Variants in CCSER1 observed in about 807,000 individuals in gnomAD.
CCSER1 encodes coiled-coil serine rich protein 1.
CCSER1 carries 41 observed loss-of-function variants against 82.0 expected under a neutral mutation model. The observed-to-expected ratio is 0.50, with a 90% CI of 0.39 to 0.65. The LOEUF (loss-of-function observed/expected upper bound fraction) is 0.65. CCSER1 is among the 30% of genes least tolerant of loss of function. The pLI, the probability that CCSER1 is intolerant of heterozygous loss-of-function variation, is 0.00. For missense variants in CCSER1, 1,119 were observed against 1,064.2 expected, an observed-to-expected ratio of 1.05 and a Z score of -0.72; for synonymous variants, 414 against 383.9, an observed-to-expected ratio of 1.08 and a Z score of -0.92.
At chr4:90,208,396 T>C (rs920178078) in intron 1 of CCSER1, among the ~76,000 whole-genome samples, 3 of 152,190 alleles carry the variant, frequency 2.0e-5, no homozygotes, top group Non-Finnish European at 4.4e-5. Flanking sequence ...ACTGCTGTAC[T>C]GGCAGCAAGA....
rs543635640 is a variant in CCSER1 at position 91,042,561 on chromosome 4, G to A, written c.2173-43389G>A. Among the ~76,000 whole-genome samples, 3 of 152,210 alleles carry A rather than the reference G, an allele frequency of 2.0e-5. No individual in the cohort carries two copies. In the South Asian group the frequency reaches 6.2e-4, roughly 32 times the overall value. ...TGCATACATTAATGAAGGTATACAG[G>A]TAATTCTGGTCTTTCACTAATATTC... On this transcript the variant is annotated intron_variant, in intron 9 of 10. Coordinates refer to ENST00000509176, the MANE Select transcript of CCSER1 (RefSeq NM_001145065.2).
At chr4:90,766,939 A>G (rs1011393139) in intron 7 of CCSER1, among the ~76,000 whole-genome samples, 1 of 152,136 alleles carries the variant, frequency 6.6e-6, no homozygotes, top group African/African-American at 2.4e-5. Context: ...AAAGCAATTC[A>G]TAACTACTTT....
chr4:91,239,204 C>T (rs1206115337), intron 10 of CCSER1, among the ~76,000 whole-genome samples: 1 of 126,990 alleles, frequency 7.9e-6, no homozygotes, highest in African/African-American at 3.1e-5. Context: ...GATGGGATAA[C>T]TCAAGTATAA....
chr4:90,225,305 G>A (rs1236631289), intron 1 of CCSER1, among the ~76,000 whole-genome samples: 1 of 148,722 alleles, frequency 6.7e-6, no homozygotes, highest in East Asian at 2.0e-4. Flanking sequence ...CAGACTCCTG[G>A]GTTCAAGCCT....
chr4:90,711,183 A>G (rs966638093), intron 6 of CCSER1, among the ~76,000 whole-genome samples: 2 of 152,120 alleles, frequency 1.3e-5, no homozygotes, highest in African/African-American at 4.8e-5. Flanking sequence ...TTGATTTTGT[A>G]TCCTGAGACT....
intron 1 of CCSER1, among the ~76,000 whole-genome samples, chr4:90,132,888 G>T (rs944914255): frequency 2.0e-5 from 3 of 152,092 alleles, no homozygotes; most frequent in African/African-American, 7.2e-5. Flanking sequence ...CAGTCCAAAG[G>T]ACTTTTATAA....
intron 10 of CCSER1, among the ~76,000 whole-genome samples, chr4:91,566,436 T>C (rs1313367544): frequency 2.0e-5 from 3 of 152,134 alleles, no homozygotes; most frequent in African/African-American, 7.2e-5. Flanking sequence ...TCCTCCTCAA[T>C]TTTTTGGAAT....
chr4:91,181,761 A>T (rs1456940830), intron 10 of CCSER1, among the ~76,000 whole-genome samples: 1 of 152,122 alleles, frequency 6.6e-6, no homozygotes, highest in Non-Finnish European at 1.5e-5. Flanking sequence ...AAGTACGTTC[A>T]TTTTTTCTAA....
At chr4:90,879,396 CA>C (rs1720854493) in intron 8 of CCSER1, among the ~76,000 whole-genome samples, 1 of 151,890 alleles carries the variant, frequency 6.6e-6, no homozygotes, top group African/African-American at 2.4e-5. Flanking sequence ...AGCCAAATTC[CA>C]AATTCTATTC....
At chr4:91,095,723 A>G (rs1724442666) in intron 10 of CCSER1, among the ~76,000 whole-genome samples, 1 of 152,156 alleles carries the variant, frequency 6.6e-6, no homozygotes, top group Non-Finnish European at 1.5e-5. Context: ...GGATGACTTC[A>G]GAAACTTCAT....
At chr4:91,037,725 G>A (rs989216075) in intron 9 of CCSER1, among the ~76,000 whole-genome samples, 4 of 151,730 alleles carry the variant, frequency 2.6e-5, no homozygotes, top group African/African-American at 9.7e-5. Context: ...ATTTAAATAT[G>A]TATCTATATA....
At chr4:91,067,281 G>A (rs1320408714) in intron 9 of CCSER1, among the ~76,000 whole-genome samples, 1 of 151,886 alleles carries the variant, frequency 6.6e-6, no homozygotes, top group Non-Finnish European at 1.5e-5. Context: ...GACTTTTACT[G>A]GAAAGACTGT....
intron 10 of CCSER1, among the ~76,000 whole-genome samples, chr4:91,439,973 G>T (rs1220238741): frequency 4.6e-5 from 7 of 151,922 alleles, no homozygotes; most frequent in Admixed American, 4.6e-4. Flanking sequence ...AGCAAGTCCT[G>T]AGTGACCTAC....
At chr4:91,195,554 G>T (rs760038971) in intron 10 of CCSER1, among the ~76,000 whole-genome samples, 1 of 151,934 alleles carries the variant, frequency 6.6e-6, no homozygotes. Flanking sequence ...GAAGGAATTG[G>T]TTTCATGAGA....
chr4:90,450,986 G>A (rs1354568100), intron 4 of CCSER1, among the ~76,000 whole-genome samples: 2 of 152,180 alleles, frequency 1.3e-5, no homozygotes, highest in African/African-American at 4.8e-5. Flanking sequence ...ACACATAGTA[G>A]GGCTATGGAG....
At chr4:90,950,524 G>C (rs764801057) in intron 9 of CCSER1, among the ~76,000 whole-genome samples, 27 of 149,640 alleles carry the variant, frequency 1.8e-4, no homozygotes, top group Admixed American at 4.7e-4. Flanking sequence ...ACGTGCACGC[G>C]TGCACACACA....
At chr4:90,922,518 T>C (rs1728533672) in intron 8 of CCSER1, among the ~76,000 whole-genome samples, 1 of 152,082 alleles carries the variant, frequency 6.6e-6, no homozygotes. Flanking sequence ...TTAAAGCAAG[T>C]GGAAAGCACA....
chr4:91,400,097 T>C lies in CCSER1; in HGVS notation c.2218-198475T>C, dbSNP rs1329330275. ...TACATCATGCTAGGGCTAAAATTTC[T>C]GTTTCACTAAGACGCAAATGTGCAG... On this transcript the variant is annotated intron_variant, in intron 10 of 10. Coordinates refer to ENST00000509176, the MANE Select transcript of CCSER1 (RefSeq NM_001145065.2). Among the ~76,000 whole-genome samples the C allele has an allele frequency of 1.1e-4, 17 of 152,142 alleles. No individual in the cohort carries two copies. The South Asian group carries it at 3.5e-3, about 31-fold the overall frequency.
intron 10 of CCSER1, among the ~76,000 whole-genome samples, chr4:91,288,158 A>G (rs539591060): frequency 8.4e-6 from 1 of 118,348 alleles, no homozygotes; most frequent in Admixed American, 8.5e-5. Flanking sequence ...GTATATATAT[A>G]TATACATACA....
Sources: gnomAD v4.1 joint callset for allele counts (sites outside exome capture counted in the v4.1 genomes callset) on GRCh38, gnomAD v4.1.1 for gene constraint, MANE v1.5 for transcripts, NCBI Gene and HGNC (gene_info 2026-07-23, HGNC 2026-07-21) for gene names.